The following USF3 variants were observed in gnomAD, a reference collection of about 807,000 sequenced individuals.
USF3 encodes the protein upstream transcription factor family member 3.
A neutral mutation model predicts 157.5 loss-of-function variants in USF3; 29 were observed. The ratio of observed to expected loss-of-function variants is 0.18; its 90% CI spans 0.14 to 0.25. The LOEUF is 0.25. Ranked by LOEUF, USF3 falls within the 10% of genes least tolerant of loss-of-function variation. USF3 has a pLI of 1.00. For missense variants in USF3, 2,381 were observed against 2,667.6 expected, an observed-to-expected ratio of 0.89 and a Z score of 2.37; for synonymous variants, 893 against 941.4, an observed-to-expected ratio of 0.95 and a Z score of 0.94.
chr3:113,657,425 C>T lies in USF3; in HGVS notation c.4257G>A (p.Gln1419=). 1 of 1,614,134 alleles carries T rather than the reference C, an allele frequency of 6.2e-7. No individual in the cohort carries two copies. ...VTPALRQTEV[Q]CGSQPSVAEQ... is the part of the protein sequence containing the mutation. ...CAGCAACTGAAGGCTGAGAACCACA[C>T]TGAACTTCAGTTTGCCTCAATGCAG... The change falls in exon 7 of 7, where the codon CAG becomes CAA. Residue 1419 remains glutamine (Q), a synonymous_variant. Transcript: ENST00000316407.
rs974039654 is a variant in USF3 at position 113,655,745 on chromosome 3, C to A, written c.5937G>T (p.Arg1979Ser). 6.2e-7 allele frequency: 1 copy of A among 1,613,980 alleles called. No homozygotes were observed. The highest frequency in any genetic ancestry group is 8.5e-7 in the Non-Finnish European group (1 of 1,179,974). ...QANSSVPQRS[R>S]HPLQDSSGSK... ...AACCACTGCTGTCTTGCAGGGGATG[C>A]CTTGATCTCTGGGGAACTGAAGAAT... The change falls in exon 7 of 7, where the codon AGG (arginine) becomes AGT (serine). Residue 1979 changes from arginine to serine, a missense_variant. Coordinates refer to ENST00000316407, the MANE Select transcript of USF3 (RefSeq NM_001009899.4).
chr3:113,691,758 T>C (rs1419134426), intron 1 of USF3, among the ~76,000 whole-genome samples: 1 of 152,156 alleles, frequency 6.6e-6, no homozygotes, highest in Non-Finnish European at 1.5e-5. Context: ...AAATTCAATC[T>C]CTATTGTTTA....
At chr3:113,684,858 T>C (rs1034765369) in intron 1 of USF3, among the ~76,000 whole-genome samples, 2 of 152,166 alleles carry the variant, frequency 1.3e-5, no homozygotes, top group African/African-American at 4.8e-5. Flanking sequence ...TGGTGTCTTA[T>C]TTAGTTCATT....
Position 113,659,724 on chromosome 3 carries a change from G to A in USF3, c.1958C>T (p.Ser653Phe). Residue 653 changes from serine (S) to phenylalanine (F), a missense_variant, in exon 7 of 7, where the codon TCT (serine) becomes TTT (phenylalanine). Physicochemically the swap from Ser to Phe is radical, Grantham distance 155. Around this residue, in one of 6 missense-constraint regions of USF3, gnomAD observed 1,435 missense variants for 1,550.9 expected, o/e 0.93. Transcript: ENST00000316407. ...AGGCTGTTGGTTTGACATGGTAACA[G>A]AAAAAGTTTGTGTTGAGTTAGACGC... ...LSASNSTQTF[S>F]VTMSNQQPQT... is the part of the protein sequence containing the mutation. 2 of 1,614,242 alleles carry A rather than the reference G, an allele frequency of 1.2e-6. No homozygotes were observed. The highest frequency in any genetic ancestry group is 1.1e-5 in the South Asian group (1 of 91,084).
rs759004164 is a variant in USF3, at chr3:113,658,372, G to C, written c.3310C>G (p.Leu1104Val). ...SSRSFSVASM[L>V]PETTREDVTS... ...ACATCTTCTCTTGTTGTTTCAGGAA[G>C]CATGGATGCAACTGAGAAACTACGA... The change falls in exon 7 of 7, where the codon CTT (leucine) becomes GTT (valine). Residue 1104 changes from leucine (L) to valine (V), a missense_variant. By Grantham distance (32) the Leu-to-Val change is conservative. Around this residue, in one of 6 missense-constraint regions of USF3, gnomAD observed 1,435 missense variants for 1,550.9 expected, o/e 0.93. Transcript: ENST00000316407. The C allele has an allele frequency of 6.2e-7, 1 of 1,614,136 alleles. No individual in the cohort carries two copies. The highest frequency in any genetic ancestry group is 1.7e-5 in the Admixed American group (1 of 60,026).
In USF3 at chr3:113,648,514, T is replaced by C. The variant is rs886874803; in HGVS notation, c.*6430A>G. 1.3e-5 allele frequency: 2 copies of C among 152,628 alleles called. No homozygotes were observed. The highest frequency in any genetic ancestry group is 2.4e-5 in the African/African-American group (1 of 41,454). 9.5% of individuals were successfully genotyped at this position (152,628 alleles called of 1,614,324 possible). A position where few individuals can be genotyped will look rare whatever the true frequency, so the allele number is the denominator to read the frequency against. On this transcript the variant is annotated 3_prime_UTR_variant, in exon 7 of 7. Transcript: ENST00000316407. ...AATTTCCAAACTTTAAACAAGAGGATGGTTCAGAATATTCACACCCTAATA... is the reference window on the plus strand; with the variant it reads ...AATTTCCAAACTTTAAACAAGAGGACGGTTCAGAATATTCACACCCTAATA...
chr3:113,695,116 G>A (rs1320365791), intron 1 of USF3, among the ~76,000 whole-genome samples: 1 of 152,192 alleles, frequency 6.6e-6, no homozygotes. Flanking sequence ...CCTTGGACGG[G>A]GGTTGGAAAA....
At position 113,659,150 on chromosome 3, in the gene USF3, G is replaced by A; in HGVS notation, c.2532C>T (p.Phe844=). Residue 844 remains phenylalanine, a synonymous_variant, in exon 7 of 7, where the codon TTC becomes TTT. Transcript: ENST00000316407. Reference sequence around the variant, plus strand: ...CAGAGACAGATGGTAACACAGCAGGGAAGCTTTCTAGCAGTCCATCATTAC... The same window carrying A: ...CAGAGACAGATGGTAACACAGCAGGAAAGCTTTCTAGCAGTCCATCATTAC... The part of the protein sequence containing the change: ...PPCNDGLLES[F]PAVLPSVSVS... 6.2e-7 allele frequency: 1 copy of A among 1,614,186 alleles called. No individual in the cohort carries two copies. Among genetic ancestry groups the A allele is most frequent in the Non-Finnish European group, 8.5e-7 (1 of 1,180,040 alleles).
At chr3:113,669,585 A>C (rs1301930707) in intron 5 of USF3, among the ~76,000 whole-genome samples, 2 of 151,912 alleles carry the variant, frequency 1.3e-5, no homozygotes, top group Non-Finnish European at 2.9e-5. Context: ...TCAGTGGAGC[A>C]TGCTTTATCC....
rs953103260 is a variant in USF3, at chr3:113,659,088, T to C, written c.2594A>G (p.His865Arg). 6.2e-7 allele frequency: 1 copy of C among 1,614,158 alleles called. No homozygotes were observed. The highest frequency in any genetic ancestry group is 8.5e-7 in the Non-Finnish European group (1 of 1,180,012). Residue 865 changes from histidine to arginine, a missense_variant, in exon 7 of 7, where the codon CAT (histidine) becomes CGT (arginine). His to Arg is a conservative substitution (Grantham distance 29, BLOSUM62 0). Around this residue, in one of 6 missense-constraint regions of USF3, gnomAD observed 1,435 missense variants for 1,550.9 expected, o/e 0.93. Coordinates refer to ENST00000316407, the MANE Select transcript of USF3 (RefSeq NM_001009899.4). ...TTCAGAGCTTAGAACACCCAAAGAATGTGAAGCAGAAACACTCACACTATT... is the reference window on the plus strand; with the variant it reads ...TTCAGAGCTTAGAACACCCAAAGAACGTGAAGCAGAAACACTCACACTATT... ...QANSVSVSAS[H>R]SLGVLSSESL...
Position 113,657,203 on chromosome 3 carries a change from A to G in USF3, c.4479T>C (p.His1493=). The stretch of plus-strand genomic sequence containing the variant: ...CAGAGCTCTCTGCATGAGGTACATG[A>G]TGCTGCATTTGATATAAGTGATGCC... ...RERHHLYQMQ[H]HVPHAESSVH... is the part of the protein sequence containing the mutation. The change falls in exon 7 of 7, where the codon CAT becomes CAC. Residue 1493 remains histidine, a synonymous_variant. Transcript: ENST00000316407. 1 of 1,614,118 alleles carries G rather than the reference A, an allele frequency of 6.2e-7. No homozygotes were observed. Among genetic ancestry groups the G allele is most frequent in the Non-Finnish European group, 8.5e-7 (1 of 1,180,022 alleles).
At position 113,660,417 on chromosome 3, in the gene USF3, C is replaced by A. The variant is rs1192058956; in HGVS notation, c.1265G>T (p.Arg422Leu). The change falls in exon 7 of 7, where the codon CGA (arginine) becomes CTA (leucine). Residue 422 changes from arginine (R) to leucine (L), a missense_variant. Coordinates refer to ENST00000316407, the MANE Select transcript of USF3 (RefSeq NM_001009899.4). The stretch of plus-strand genomic sequence containing the variant: ...CTGTGTGTTTCCAGCTGAAGAGATT[C>A]GTGTAAGGCTATTAATGTTTTTCAA... ...SDLKNINSLT[R>L]ISSAGNTQTT... is the part of the protein sequence containing the mutation. 1 of 1,613,990 alleles carries A rather than the reference C, an allele frequency of 6.2e-7. No individual in the cohort carries two copies. Among genetic ancestry groups the A allele is most frequent in the East Asian group, 2.2e-5 (1 of 44,896 alleles).
In USF3 at chr3:113,674,879, G is replaced by A; in HGVS notation, c.-1C>T. 1 of 1,611,758 alleles carries A rather than the reference G, an allele frequency of 6.2e-7. No individual in the cohort carries two copies. Among genetic ancestry groups the A allele is most frequent in the Non-Finnish European group, 8.5e-7 (1 of 1,177,956 alleles). ...TCTCATTCTCTGTCATTTCTGGCATGGTTACAGTAATAGGAACCTACAGAA... is the reference window on the plus strand; with the variant it reads ...TCTCATTCTCTGTCATTTCTGGCATAGTTACAGTAATAGGAACCTACAGAA... On this transcript the variant is annotated 5_prime_UTR_variant, in exon 3 of 7. Transcript: ENST00000316407.
chr3:113,691,852 T>C (rs1707692285), intron 1 of USF3, among the ~76,000 whole-genome samples: 1 of 152,170 alleles, frequency 6.6e-6, no homozygotes, highest in South Asian at 2.1e-4. Flanking sequence ...CTCCTTCTCT[T>C]TGGTTTCTGC....
In USF3 at chr3:113,654,950, A is replaced by G. The variant is rs79156140; in HGVS notation, c.6732T>C (p.Ala2244=). ...ACATTTTGTTTATCAGTATTTAAAC[A>G]GCTGAACTGCAATCATGACCTAGAA... is the stretch of plus-strand genomic sequence containing the variant. ...SHILGHDCSS[A]V is the part of the protein sequence containing the mutation. The change falls in exon 7 of 7, where the codon GCT becomes GCC. Residue 2244 remains alanine, a synonymous_variant. Coordinates refer to ENST00000316407, the MANE Select transcript of USF3 (RefSeq NM_001009899.4). 4,558 of 1,606,862 alleles carry G rather than the reference A, an allele frequency of 2.8e-3. 130 individuals carry two copies. The Admixed American group carries it at 0.052, about 18-fold the overall frequency.
At chr3:113,676,276 T>C (rs1264098584) in intron 2 of USF3, among the ~76,000 whole-genome samples, 1 of 152,228 alleles carries the variant, frequency 6.6e-6, no homozygotes, top group East Asian at 1.9e-4. Context: ...TTTACTGTGT[T>C]AGTCCATTGT....
chr3:113,693,457 A>G lies in USF3; in HGVS notation c.-135+2913T>C, dbSNP rs139208073. 5.2e-3 allele frequency among the ~76,000 whole-genome samples: 799 copies of G among 152,292 alleles called. 8 individuals are homozygous for G. The highest frequency in any genetic ancestry group is 0.018 in the African/African-American group (763 of 41,552). Reference sequence around the variant, plus strand: ...TAAATCATCTACTAATGAAATTAAGAAAAGATATGAAAAAAACGGATGTCT... The same window carrying G: ...TAAATCATCTACTAATGAAATTAAGGAAAGATATGAAAAAAACGGATGTCT... On this transcript the variant is annotated intron_variant, in intron 1 of 6. Transcript: ENST00000316407.
rs189672747 is a variant in USF3, at chr3:113,658,967, G to A, written c.2715C>T (p.Ala905=). The part of the protein sequence containing the change: ...ESVTSEHFAM[A]AAKSKDSTPN... ...GGGTAGAATCTTTGGATTTTGCTGC[G>A]GCCATTGCAAAATGTTCACTTGTTA... is the stretch of plus-strand genomic sequence containing the variant. The change falls in exon 7 of 7, where the codon GCC becomes GCT. Residue 905 remains alanine, a synonymous_variant. Coordinates refer to ENST00000316407, the MANE Select transcript of USF3 (RefSeq NM_001009899.4). The A allele has an allele frequency of 2.0e-5, 32 of 1,613,956 alleles. No homozygotes were observed. Among genetic ancestry groups the A allele is most frequent in the African/African-American group, 4.0e-5 (3 of 74,868 alleles).
At chr3:113,693,601 A>C (rs966458642) in intron 1 of USF3, among the ~76,000 whole-genome samples, 7 of 152,238 alleles carry the variant, frequency 4.6e-5, no homozygotes, top group Admixed American at 1.3e-4. Flanking sequence ...AACCAATCCA[A>C]CTTAAAACCA....
Sources: gnomAD v4.1 joint callset for allele counts (sites outside exome capture counted in the v4.1 genomes callset) on GRCh38, gnomAD v4.1.1 for gene constraint, gnomAD v4.1.1 regional missense constraint, MANE v1.5 for transcripts, NCBI Gene and HGNC (gene_info 2026-07-23, HGNC 2026-07-21) for gene names.